Variants in PAM observed in about 807,000 individuals in gnomAD.
The protein encoded by PAM is peptidylglycine alpha-amidating monooxygenase, also known as peptidyl-glycine alpha-amidating monooxygenase.
A neutral mutation model predicts 122.1 loss-of-function variants in PAM; 72 were observed. The observed-to-expected ratio is 0.59, with a 90% CI of 0.49 to 0.72. PAM has a LOEUF of 0.72. PAM is among the 30% of genes least tolerant of loss of function. The pLI, the probability that PAM is intolerant of heterozygous loss-of-function variation, is 0.00. For missense variants in PAM, 1,106 were observed against 1,183.7 expected, an observed-to-expected ratio of 0.93 and a Z score of 0.96; for synonymous variants, 389 against 404.4, an observed-to-expected ratio of 0.96 and a Z score of 0.46.
At chr5:102,943,965 C>T (rs1449774169) in intron 7 of PAM, among the ~76,000 whole-genome samples, 1 of 152,138 alleles carries the variant, frequency 6.6e-6, no homozygotes, top group African/African-American at 2.4e-5. Context: ...CTTTCATTAT[C>T]AGACTACTCT....
chr5:102,778,579 T>C (rs1293931549), intron 1 of PAM, among the ~76,000 whole-genome samples: 2 of 152,126 alleles, frequency 1.3e-5, no homozygotes, highest in East Asian at 3.9e-4. Flanking sequence ...TCAAGTAGAT[T>C]ATTATTATTG....
chr5:102,865,490 G>C (rs1451398152), intron 1 of PAM: 1 of 152,238 alleles, frequency 6.6e-6, no homozygotes. Context: ...TTTTTGGTGA[G>C]AGAAAGGAGT....
intron 1 of PAM, among the ~76,000 whole-genome samples, chr5:102,814,093 G>A (rs1768827323): frequency 1.3e-5 from 2 of 152,192 alleles, no homozygotes; most frequent in Non-Finnish European, 2.9e-5. Flanking sequence ...CTGTTCCCGT[G>A]TGCTTTTTCT....
intron 3 of PAM, among the ~76,000 whole-genome samples, chr5:102,880,535 T>G (rs1790640437): frequency 6.6e-6 from 1 of 152,124 alleles, no homozygotes; most frequent in Non-Finnish European, 1.5e-5. Context: ...CATGGAAGAC[T>G]TAGCTACTTA....
At chr5:102,854,750 A>T (rs1438944563) in intron 1 of PAM, among the ~76,000 whole-genome samples, 1 of 151,936 alleles carries the variant, frequency 6.6e-6, no homozygotes, top group East Asian at 1.9e-4. Flanking sequence ...AGCAAGAAAC[A>T]GTTTAATAGC....
At chr5:102,936,224 T>A in intron 7 of PAM, among the ~76,000 whole-genome samples, 1 of 152,094 alleles carries the variant, frequency 6.6e-6, no homozygotes. Context: ...AAAATTTACA[T>A]TGAAATCAGC....
chr5:102,811,541 C>T (rs907088599), intron 1 of PAM, among the ~76,000 whole-genome samples: 3 of 152,138 alleles, frequency 2.0e-5, no homozygotes, highest in Non-Finnish European at 4.4e-5. Flanking sequence ...TTTTAAGACC[C>T]TTAAACTTAA....
At chr5:102,972,502 G>A (rs1334251628) in intron 14 of PAM, among the ~76,000 whole-genome samples, 1 of 151,898 alleles carries the variant, frequency 6.6e-6, no homozygotes, top group Non-Finnish European at 1.5e-5. Flanking sequence ...GGCTGGTCTC[G>A]AGCTCCTGGG....
intron 8 of PAM, among the ~76,000 whole-genome samples, 165 bp from the exon 9 acceptor site, chr5:102,948,213 A>G (rs1227988497): frequency 6.6e-6 from 1 of 152,200 alleles, no homozygotes; most frequent in Non-Finnish European, 1.5e-5. Flanking sequence ...CTGCCTTCAC[A>G]TGAAAAAGTA....
At chr5:102,960,310 T>G (rs1762085631) in intron 13 of PAM, among the ~76,000 whole-genome samples, 1 of 152,010 alleles carries the variant, frequency 6.6e-6, no homozygotes, top group Non-Finnish European at 1.5e-5. Context: ...ACCAATCCCA[T>G]AAATGTAGAC....
At chr5:102,907,742 A>G (rs897317490) in intron 4 of PAM, among the ~76,000 whole-genome samples, 7 of 152,006 alleles carry the variant, frequency 4.6e-5, no homozygotes, top group African/African-American at 1.7e-4. Flanking sequence ...GCATTTTTTC[A>G]TGTGCTTTTT....
chr5:102,762,748 A>G (rs998932935), intron 1 of PAM, among the ~76,000 whole-genome samples: 1 of 152,130 alleles, frequency 6.6e-6, no homozygotes, highest in African/African-American at 2.4e-5. Flanking sequence ...TGGTGTGTAC[A>G]TTTTCTCAAG....
chr5:103,011,205 A>G (rs919129020), intron 21 of PAM, among the ~76,000 whole-genome samples: 3 of 152,212 alleles, frequency 2.0e-5, no homozygotes, highest in South Asian at 2.1e-4. Context: ...CTGTGACCCA[A>G]TAATTCCCAT....
intron 5 of PAM, among the ~76,000 whole-genome samples, chr5:102,917,631 A>G (rs1745887962): frequency 1.3e-5 from 2 of 152,104 alleles, no homozygotes; most frequent in South Asian, 4.1e-4. Context: ...TCAGTGTTCC[A>G]TTTTCATTGC....
intron 1 of PAM, among the ~76,000 whole-genome samples, chr5:102,777,404 T>G (rs1757455081): frequency 6.6e-6 from 1 of 152,108 alleles, no homozygotes; most frequent in African/African-American, 2.4e-5. Flanking sequence ...TATTATCTGT[T>G]CCCACTAGAA....
chr5:102,959,871 G>T lies in PAM; in HGVS notation c.906-4G>T. ...GATTTGTTATATCTTTTTTTTGCCT[G>T]CAGTGGCACGTCTAGTGATGAAATG... On this transcript the variant is annotated splice_region_variant and splice_polypyrimidine_tract_variant and intron_variant, in intron 12 of 25. Transcript: ENST00000438793. The T allele has an allele frequency of 6.3e-7, 1 of 1,593,548 alleles. No individual in the cohort carries two copies. The highest frequency in any genetic ancestry group is 8.6e-7 in the Non-Finnish European group (1 of 1,167,180).
chr5:102,871,736 T>TTA (rs569403415), intron 3 of PAM, among the ~76,000 whole-genome samples: 166 of 146,504 alleles, frequency 1.1e-3, no homozygotes, highest in African/African-American at 3.7e-3. Flanking sequence ...TTTATATATA[T>TTA]TATATATATA....
At chr5:102,765,142 A>C (rs1753513204) in intron 1 of PAM, among the ~76,000 whole-genome samples, 1 of 152,168 alleles carries the variant, frequency 6.6e-6, no homozygotes, top group Admixed American at 6.5e-5. Flanking sequence ...TCCTTCCTTG[A>C]GTCACTTGAA....
chr5:102,854,312 A>C (rs1365663743), intron 1 of PAM, among the ~76,000 whole-genome samples: 1 of 152,208 alleles, frequency 6.6e-6, no homozygotes, highest in African/African-American at 2.4e-5. Flanking sequence ...CATTTTAAAA[A>C]GGGATTTTTA....
Sources: allele counts gnomAD v4.1 joint callset (sites outside exome capture counted in the v4.1 genomes callset), GRCh38; gene constraint gnomAD v4.1.1; transcripts MANE v1.5; gene names NCBI Gene and HGNC (gene_info 2026-07-23, HGNC 2026-07-21).